CSNK2A2IP: variants seen among roughly 807,000 people sequenced by gnomAD.
The protein encoded by CSNK2A2IP is casein kinase 2 subunit alpha' interacting protein, also known as casein kinase II subunit alpha'-interacting protein.
the CSNK2A2IP span, among the ~76,000 whole-genome samples, chr3:88,384,132 A>G: frequency 6.6e-6 from 1 of 152,170 alleles, no homozygotes; most frequent in East Asian, 1.9e-4. Context: ...GATAGGGTAT[A>G]CTATGGTAAA....
At chr3:88,378,032 C>T in the CSNK2A2IP span, among the ~76,000 whole-genome samples, 22 of 151,942 alleles carry the variant, frequency 1.4e-4, no homozygotes, top group Non-Finnish European at 1.9e-4. Flanking sequence ...AAAAATGTTA[C>T]CAGTTTATGA....
the CSNK2A2IP span, among the ~76,000 whole-genome samples, chr3:88,401,578 G>A: frequency 6.6e-6 from 1 of 152,040 alleles, no homozygotes; most frequent in Non-Finnish European, 1.5e-5. Flanking sequence ...ATATGAATGA[G>A]TAGATAAAGC....
chr3:88,406,894 A>T, the CSNK2A2IP span, among the ~76,000 whole-genome samples: 1 of 152,206 alleles, frequency 6.6e-6, no homozygotes, highest in African/African-American at 2.4e-5. Flanking sequence ...TGCCCTGTGG[A>T]TATCACGGTG....
At chr3:88,348,171 G>A in the CSNK2A2IP span, among the ~76,000 whole-genome samples, 1 of 142,448 alleles carries the variant, frequency 7.0e-6, no homozygotes, top group African/African-American at 2.6e-5. Context: ...TGACCATGTA[G>A]TTTCTGTAGA....
chr3:88,355,981 C>G, the CSNK2A2IP span, among the ~76,000 whole-genome samples: 1 of 151,976 alleles, frequency 6.6e-6, no homozygotes, highest in African/African-American at 2.4e-5. Flanking sequence ...TGTAGTTGTA[C>G]ATACGTATGG....
chr3:88,422,159 T>A, the CSNK2A2IP span, among the ~76,000 whole-genome samples: 1 of 152,314 alleles, frequency 6.6e-6, no homozygotes, highest in South Asian at 2.1e-4. Flanking sequence ...AACTTTGTAA[T>A]GATGTGTATC....
the CSNK2A2IP span, among the ~76,000 whole-genome samples, chr3:88,354,854 G>T: frequency 6.6e-6 from 1 of 152,168 alleles, no homozygotes; most frequent in East Asian, 1.9e-4. Flanking sequence ...AAGGATGTGT[G>T]TAACTTCACA....
chr3:88,467,234 C>T, the CSNK2A2IP span: 1 of 401,270 alleles, frequency 2.5e-6, no homozygotes, highest in Non-Finnish European at 4.4e-6. Context: ...ACCTCCTCCT[C>T]CTCCTCTGTT....
At chr3:88,358,048 T>C in the CSNK2A2IP span, among the ~76,000 whole-genome samples, 2 of 152,140 alleles carry the variant, frequency 1.3e-5, no homozygotes, top group Non-Finnish European at 2.9e-5. Context: ...GTAGAGATTT[T>C]TCACTTCTTT....
the CSNK2A2IP span, among the ~76,000 whole-genome samples, chr3:88,392,423 A>G: frequency 6.6e-6 from 1 of 152,200 alleles, no homozygotes; most frequent in Non-Finnish European, 1.5e-5. Flanking sequence ...AGACAAGGAG[A>G]TGTAGGAGAA....
At chr3:88,381,192 A>G in the CSNK2A2IP span, among the ~76,000 whole-genome samples, 1 of 152,136 alleles carries the variant, frequency 6.6e-6, no homozygotes, top group African/African-American at 2.4e-5. Context: ...GAAGATTACC[A>G]CTCTTAAATG....
the CSNK2A2IP span, among the ~76,000 whole-genome samples, chr3:88,443,953 C>G: frequency 6.6e-6 from 1 of 151,426 alleles, no homozygotes; most frequent in Admixed American, 6.6e-5. Flanking sequence ...ATACAAAGAT[C>G]TAAGTAGATT....
At chr3:88,350,789 C>T in the CSNK2A2IP span, among the ~76,000 whole-genome samples, 2 of 152,158 alleles carry the variant, frequency 1.3e-5, no homozygotes, top group African/African-American at 4.8e-5. Flanking sequence ...GAAGACATAT[C>T]CAGACAGCCC....
the CSNK2A2IP span, among the ~76,000 whole-genome samples, chr3:88,348,070 GA>G: frequency 6.6e-6 from 1 of 151,948 alleles, no homozygotes; most frequent in Non-Finnish European, 1.5e-5. Flanking sequence ...TTTATATGGG[GA>G]CAGTACTTTA....
the CSNK2A2IP span, among the ~76,000 whole-genome samples, chr3:88,376,837 A>G: frequency 6.6e-6 from 1 of 151,702 alleles, no homozygotes. Context: ...ATTAAACCCA[A>G]TGACTTTTCT....
the CSNK2A2IP span, among the ~76,000 whole-genome samples, chr3:88,428,334 T>C: frequency 6.6e-6 from 1 of 152,046 alleles, no homozygotes; most frequent in Non-Finnish European, 1.5e-5. Context: ...TTGTCTCAGA[T>C]GAGACTTTGG....
the CSNK2A2IP span, among the ~76,000 whole-genome samples, chr3:88,360,827 T>A: frequency 6.6e-6 from 1 of 152,086 alleles, no homozygotes; most frequent in African/African-American, 2.4e-5. Flanking sequence ...TGGTTTTTTT[T>A]ATTTTTAACG....
the CSNK2A2IP span, among the ~76,000 whole-genome samples, chr3:88,383,651 C>CT: frequency 7.9e-3 from 696 of 88,506 alleles, 2 homozygotes; most frequent in African/African-American, 0.024. Flanking sequence ...TCTTTTCTTT[C>CT]TTTTTTTTTT....
At chr3:88,380,140 G>C in the CSNK2A2IP span, among the ~76,000 whole-genome samples, 1 of 151,936 alleles carries the variant, frequency 6.6e-6, no homozygotes, top group Non-Finnish European at 1.5e-5. Context: ...AATGTGATAG[G>C]TATGAATTTT....
Sources: gnomAD v4.1 joint callset for allele counts (sites outside exome capture counted in the v4.1 genomes callset) on GRCh38, gnomAD v4.1.1 for gene constraint, MANE v1.5 for transcripts, NCBI Gene and HGNC (gene_info 2026-07-23, HGNC 2026-07-21) for gene names.